The following FCHSD2 variants were observed in gnomAD, a reference collection of about 807,000 sequenced individuals.
FCHSD2 encodes the protein FCH and double SH3 domains 2, also known as F-BAR and double SH3 domains protein 2.
Under a neutral mutation model 108.1 loss-of-function variants are expected in FCHSD2, and 38 were observed. That is an observed-to-expected ratio of 0.35 (90% confidence interval 0.27 to 0.46). The LOEUF (loss-of-function observed/expected upper bound fraction) is 0.46, where lower values mean the gene tolerates loss of function less well. Among genes scored for constraint, FCHSD2 ranks in the 20% least tolerant of loss-of-function variants. The probability of loss-of-function intolerance (pLI) is 1.00; values close to 1 mark genes in which losing one functional copy is unlikely to be tolerated. For missense variants in FCHSD2, 751 were observed against 897.8 expected, an observed-to-expected ratio of 0.84 and a Z score of 2.09; for synonymous variants, 279 against 314.7, an observed-to-expected ratio of 0.89 and a Z score of 1.20.
At chr11:72,841,375 T>G (rs1467630376) in intron 18 of FCHSD2, 79 bp downstream of exon 18, 113 of 1,284,730 alleles carry the variant, frequency 8.8e-5, no homozygotes, top group African/African-American at 7.5e-4. Flanking sequence ...GCAAATGCAG[T>G]TTTTTTTTGC....
intron 10 of FCHSD2, among the ~76,000 whole-genome samples, chr11:72,893,381 T>G (rs893814009): frequency 3.9e-5 from 6 of 152,084 alleles, no homozygotes; most frequent in Non-Finnish European, 7.4e-5. Context: ...GGTGGTGCAA[T>G]CATGGCTCAC....
chr11:72,920,334 C>T (rs1490715100), intron 9 of FCHSD2, among the ~76,000 whole-genome samples: 1 of 152,172 alleles, frequency 6.6e-6, no homozygotes, highest in African/African-American at 2.4e-5. Flanking sequence ...AAATGGACAA[C>T]TGCCTAGGAA....
intron 4 of FCHSD2, among the ~76,000 whole-genome samples, chr11:73,015,588 T>C (rs1205875903): frequency 6.6e-6 from 1 of 152,160 alleles, no homozygotes; most frequent in Non-Finnish European, 1.5e-5. Context: ...TCTTGGCTTA[T>C]ATAAGACATG....
At chr11:72,913,716 C>G (rs1855810515) in intron 9 of FCHSD2, among the ~76,000 whole-genome samples, 2 of 150,904 alleles carry the variant, frequency 1.3e-5, no homozygotes, top group Admixed American at 6.6e-5. Context: ...CTCTTTTTTT[C>G]CTCACTAGTC....
At chr11:73,128,879 A>C (rs1860921966) in intron 2 of FCHSD2, among the ~76,000 whole-genome samples, 1 of 151,938 alleles carries the variant, frequency 6.6e-6, no homozygotes, top group East Asian at 1.9e-4. Context: ...TTTTATTTTT[A>C]TTTTCTTTTT....
chr11:73,133,706 T>C (rs925940095), intron 2 of FCHSD2, among the ~76,000 whole-genome samples: 2 of 145,790 alleles, frequency 1.4e-5, no homozygotes, highest in African/African-American at 5.1e-5. Context: ...TGAGGCAGAA[T>C]TGCATGAACC....
intron 13 of FCHSD2, among the ~76,000 whole-genome samples, chr11:72,859,697 A>G (rs1019102584): frequency 2.0e-5 from 3 of 152,204 alleles, no homozygotes; most frequent in African/African-American, 7.2e-5. Context: ...GGAAATCTGC[A>G]GAGGGTCCTC....
chr11:72,870,523 CTG>C (rs1040346787), intron 12 of FCHSD2, among the ~76,000 whole-genome samples: 5 of 152,020 alleles, frequency 3.3e-5, no homozygotes, highest in African/African-American at 1.2e-4. Context: ...TTATAAACTA[CTG>C]TGTCTCTTTA....
intron 12 of FCHSD2, among the ~76,000 whole-genome samples, chr11:72,887,158 T>G (rs897838778): frequency 6.6e-6 from 1 of 151,876 alleles, no homozygotes; most frequent in Non-Finnish European, 1.5e-5. Context: ...TTGATATATA[T>G]ACATCATTTT....
At chr11:72,848,142 A>G (rs1260492410) in intron 14 of FCHSD2, among the ~76,000 whole-genome samples, 1 of 152,180 alleles carries the variant, frequency 6.6e-6, no homozygotes, top group African/African-American at 2.4e-5. Flanking sequence ...TGACCAGGTT[A>G]GCTTCTTAAA....
At chr11:73,113,503 G>T in intron 2 of FCHSD2, among the ~76,000 whole-genome samples, 1 of 151,674 alleles carries the variant, frequency 6.6e-6, no homozygotes, top group East Asian at 1.9e-4. Flanking sequence ...TGAGTAGCTG[G>T]GACTACAAGC....
intron 9 of FCHSD2, among the ~76,000 whole-genome samples, chr11:72,916,932 G>T (rs535724003): frequency 2.7e-5 from 4 of 147,880 alleles, no homozygotes; most frequent in South Asian, 2.2e-4. Flanking sequence ...AGTTAATTTT[G>T]TGAGGTAAGG....
At chr11:72,958,890 C>T (rs1157063546) in intron 8 of FCHSD2, among the ~76,000 whole-genome samples, 1 of 152,130 alleles carries the variant, frequency 6.6e-6, no homozygotes, top group South Asian at 2.1e-4. Flanking sequence ...ACAACTTACC[C>T]ATTTCCATCT....
chr11:72,891,363 T>C (rs1244024253), intron 10 of FCHSD2, among the ~76,000 whole-genome samples: 2 of 152,244 alleles, frequency 1.3e-5, no homozygotes, highest in Non-Finnish European at 2.9e-5. Flanking sequence ...TTTTGTTCTA[T>C]ACAGACATTT....
chr11:73,021,887 C>A (rs1858117197), intron 3 of FCHSD2, among the ~76,000 whole-genome samples: 1 of 151,840 alleles, frequency 6.6e-6, no homozygotes, highest in Non-Finnish European at 1.5e-5. Flanking sequence ...CCAGGCAACA[C>A]AAGGAGACCC....
chr11:73,015,450 T>C (rs902088958), intron 4 of FCHSD2, among the ~76,000 whole-genome samples: 8 of 152,198 alleles, frequency 5.3e-5, no homozygotes, highest in African/African-American at 1.9e-4. Context: ...TGGCAGAACA[T>C]ATACAATCTT....
At chr11:72,924,693 T>C (rs1455772723) in intron 8 of FCHSD2, among the ~76,000 whole-genome samples, 1 of 151,840 alleles carries the variant, frequency 6.6e-6, no homozygotes, top group East Asian at 1.9e-4. Flanking sequence ...TTTTTTTTTT[T>C]TTTAAATACA....
intron 8 of FCHSD2, among the ~76,000 whole-genome samples, chr11:72,933,103 A>T (rs1474264157): frequency 6.6e-6 from 1 of 152,204 alleles, no homozygotes; most frequent in Non-Finnish European, 1.5e-5. Flanking sequence ...TCCTTCTAGC[A>T]ACAGATCCTG....
intron 3 of FCHSD2, among the ~76,000 whole-genome samples, chr11:73,069,605 T>C (rs1336181852): frequency 6.6e-6 from 1 of 151,956 alleles, no homozygotes; most frequent in African/African-American, 2.4e-5. Flanking sequence ...ATCCAGAACA[T>C]AGCACAAAGA....
Sources: gnomAD v4.1 joint callset for allele counts (sites outside exome capture counted in the v4.1 genomes callset) on GRCh38, gnomAD v4.1.1 for gene constraint, MANE v1.5 for transcripts, NCBI Gene and HGNC (gene_info 2026-07-23, HGNC 2026-07-21) for gene names.